XRCC4: variants seen among roughly 807,000 people sequenced by gnomAD.
XRCC4 encodes the protein DNA repair protein XRCC4.
XRCC4 carries 28 observed loss-of-function variants against 39.1 expected under a neutral mutation model. The observed-to-expected ratio is 0.72, with a 90% confidence interval of 0.53 to 0.98. The LOEUF is 0.98. Ranked by LOEUF, XRCC4 falls within the 50% of genes least tolerant of loss-of-function variation. The probability of loss-of-function intolerance (pLI) is 0.00; values close to 1 mark genes in which losing one functional copy is unlikely to be tolerated. For synonymous variants in XRCC4, 123 were observed against 126.4 expected (o/e 0.97, Z 0.18); for missense variants, 350 against 376.4 (o/e 0.93, Z 0.58).
rs564689008 is a variant in XRCC4 at position 83,139,712 on chromosome 5, C to T, written c.315+28509C>T. Among the ~76,000 whole-genome samples the T allele has an allele frequency of 4.6e-5, 7 of 152,264 alleles. No homozygotes were observed. In the South Asian group the frequency reaches 1.4e-3, roughly 32 times the overall value. On this transcript the variant is annotated intron_variant, in intron 3 of 7. Transcript: ENST00000396027. Reference sequence around the variant, plus strand: ...TAGCCTGTTGCTCCAAGGCTACAAACCCATACAGCATGTTGCTGTGCTGAG... The same window carrying T: ...TAGCCTGTTGCTCCAAGGCTACAAATCCATACAGCATGTTGCTGTGCTGAG...
At chr5:83,145,050 C>G (rs1748386709) in intron 3 of XRCC4, among the ~76,000 whole-genome samples, 1 of 152,102 alleles carries the variant, frequency 6.6e-6, no homozygotes, top group Non-Finnish European at 1.5e-5. Flanking sequence ...CACCCGCCAC[C>G]ACGCCTGGCT....
At chr5:83,249,968 G>C (rs1753247629) in intron 6 of XRCC4, among the ~76,000 whole-genome samples, 1 of 151,912 alleles carries the variant, frequency 6.6e-6, no homozygotes, top group Non-Finnish European at 1.5e-5. Flanking sequence ...GCCTCTCTAA[G>C]CTTTGTAAAA....
intron 1 of XRCC4, among the ~76,000 whole-genome samples, chr5:83,079,967 C>T (rs1176543093): frequency 6.6e-6 from 1 of 152,078 alleles, no homozygotes; most frequent in Admixed American, 6.5e-5. Context: ...CACAGGTGTC[C>T]TCAGTGTTAT....
At chr5:83,268,709 G>T (rs972431985) in intron 7 of XRCC4, among the ~76,000 whole-genome samples, 2 of 152,066 alleles carry the variant, frequency 1.3e-5, no homozygotes, top group Non-Finnish European at 2.9e-5. Context: ...TCTCCTTATG[G>T]AATACGGAGA....
intron 7 of XRCC4, among the ~76,000 whole-genome samples, chr5:83,334,623 AACT>A (rs896275297): frequency 2.6e-5 from 4 of 151,986 alleles, no homozygotes; most frequent in Non-Finnish European, 5.9e-5. Context: ...TTTATAATAC[AACT>A]ACTTTTAAAA....
intron 3 of XRCC4, among the ~76,000 whole-genome samples, chr5:83,129,727 C>G (rs1223509729): frequency 6.6e-6 from 1 of 152,050 alleles, no homozygotes; most frequent in Non-Finnish European, 1.5e-5. Context: ...ATTTTATTCT[C>G]TTTGTAGCAA....
intron 3 of XRCC4, among the ~76,000 whole-genome samples, chr5:83,131,230 C>G (rs7706769): frequency 6.6e-6 from 1 of 152,032 alleles, no homozygotes; most frequent in Non-Finnish European, 1.5e-5. Flanking sequence ...GTTATTTACC[C>G]GTAGTCATTC....
chr5:83,117,198 C>T (rs574372994), intron 3 of XRCC4, among the ~76,000 whole-genome samples: 1 of 152,252 alleles, frequency 6.6e-6, no homozygotes, highest in East Asian at 1.9e-4. Flanking sequence ...ACCCTTCCTG[C>T]CTTAGTGCTC....
chr5:83,278,629 C>T lies in XRCC4; in HGVS notation c.893+19952C>T, dbSNP rs540886554. Among the ~76,000 whole-genome samples the T allele has an allele frequency of 9.9e-4, 151 of 152,082 alleles. 1 individual carries two copies. Among genetic ancestry groups the T allele is most frequent in the African/African-American group, 3.6e-3 (148 of 41,474 alleles). On this transcript the variant is annotated intron_variant, in intron 7 of 7. Coordinates refer to ENST00000396027, the MANE Select transcript of XRCC4 (RefSeq NM_003401.5). The stretch of plus-strand genomic sequence containing the variant: ...TTCTCTAGCCCCTTTTTTAACTGTA[C>T]AAAAAATAAATAAGTTAACATTATT...
At position 83,345,109 on chromosome 5, in the gene XRCC4, C is replaced by A. The variant is rs1358586501; in HGVS notation, c.894-8022C>A. Among the ~76,000 whole-genome samples the A allele has an allele frequency of 2.0e-5, 3 of 152,052 alleles. No homozygotes were observed. In the South Asian group the frequency reaches 6.2e-4, roughly 31 times the overall value. On this transcript the variant is annotated intron_variant, in intron 7 of 7. Transcript: ENST00000396027. ...TTTTAAAACATTGTTAATAGGAGTT[C>A]TTTGGATATTCTTTGTTACTAGCAT...
intron 3 of XRCC4, among the ~76,000 whole-genome samples, chr5:83,131,134 A>G (rs1747555083): frequency 1.3e-5 from 2 of 152,074 alleles, no homozygotes; most frequent in African/African-American, 2.4e-5. Flanking sequence ...TCTACACATT[A>G]CTTTAAATGT....
intron 7 of XRCC4, among the ~76,000 whole-genome samples, chr5:83,260,608 A>G (rs1753715524): frequency 1.3e-5 from 2 of 152,098 alleles, no homozygotes; most frequent in African/African-American, 4.8e-5. Context: ...TTGCTTAAGC[A>G]GGTTTCTGAT....
chr5:83,116,604 CTCTCTTT>C (rs1246882739), intron 3 of XRCC4, among the ~76,000 whole-genome samples: 2 of 135,926 alleles, frequency 1.5e-5, no homozygotes, highest in Non-Finnish European at 3.1e-5. Context: ...CAGTTTCTCT[CTCTCTTT>C]TTTTTTTTTT....
chr5:83,151,923 A>G (rs1037849924), intron 3 of XRCC4, among the ~76,000 whole-genome samples: 15 of 152,336 alleles, frequency 9.8e-5, no homozygotes, highest in African/African-American at 3.6e-4. Flanking sequence ...TTCTACATGC[A>G]TTGCCTCCCC....
downstream of XRCC4, among the ~76,000 whole-genome samples, chr5:83,354,242 A>G (rs946800218): frequency 6.6e-6 from 1 of 152,196 alleles, no homozygotes; most frequent in South Asian, 2.1e-4. Context: ...TGCTCTTTGT[A>G]TTCCTCCTTT....
chr5:83,113,286 A>C, intron 3 of XRCC4, among the ~76,000 whole-genome samples: 1 of 152,214 alleles, frequency 6.6e-6, no homozygotes, highest in African/African-American at 2.4e-5. Flanking sequence ...TCTCACATCC[A>C]GGTGATGCTA....
the XRCC4 span, among the ~76,000 whole-genome samples, chr5:83,366,091 C>A: frequency 6.6e-6 from 1 of 152,152 alleles, no homozygotes; most frequent in South Asian, 2.1e-4. Context: ...TTTTTAACAG[C>A]CCCATTAACT....
chr5:83,352,541 A>T (rs1183328331), intron 7 of XRCC4, among the ~76,000 whole-genome samples: 1 of 152,236 alleles, frequency 6.6e-6, no homozygotes, highest in Non-Finnish European at 1.5e-5. Context: ...TGAAGTAGTG[A>T]CTACAATACT....
intron 3 of XRCC4, among the ~76,000 whole-genome samples, chr5:83,144,211 C>G (rs990174598): frequency 6.6e-6 from 1 of 151,546 alleles, no homozygotes; most frequent in African/African-American, 2.4e-5. Flanking sequence ...CCAGCTCCAT[C>G]CAAGTTCCTG....
Sources: gnomAD v4.1 joint callset for allele counts (sites outside exome capture counted in the v4.1 genomes callset) on GRCh38, gnomAD v4.1.1 for gene constraint, MANE v1.5 for transcripts, NCBI Gene and HGNC (gene_info 2026-07-23, HGNC 2026-07-21) for gene names.